Variants in ZNF536 observed in about 807,000 individuals in gnomAD.
The protein encoded by ZNF536 is zinc finger protein 536.
A neutral mutation model predicts 84.5 loss-of-function variants in ZNF536; 13 were observed. The observed-to-expected ratio is 0.15, with a 90% CI of 0.10 to 0.24. ZNF536 has a LOEUF of 0.24. Among genes scored for constraint, ZNF536 ranks in the 10% least tolerant of loss-of-function variants. The pLI is 1.00. For missense variants in ZNF536, 1,536 were observed against 1,747.5 expected (o/e 0.88, Z 2.16); for synonymous variants, 811 against 742.5 (o/e 1.09, Z -1.50).
intron 1 of ZNF536, among the ~76,000 whole-genome samples, chr19:30,434,468 G>A (rs377264281): frequency 6.3e-4 from 96 of 152,228 alleles, no homozygotes; most frequent in Non-Finnish European, 1.1e-3. Flanking sequence ...TCCGACTGTC[G>A]TTATCCAGCC....
intron 2 of ZNF536, among the ~76,000 whole-genome samples, chr19:30,332,565 T>C (rs2047248446): frequency 6.6e-6 from 1 of 152,152 alleles, no homozygotes; most frequent in African/African-American, 2.4e-5. Flanking sequence ...CAGAAAGCCG[T>C]TGTTCCACCT....
At chr19:30,243,698 G>A (rs1568521847) in intron 1 of ZNF536, among the ~76,000 whole-genome samples, 2 of 152,198 alleles carry the variant, frequency 1.3e-5, no homozygotes, top group Admixed American at 6.5e-5. Flanking sequence ...GCTGTATTAC[G>A]TCTGGCTCAT....
chr19:30,666,999 T>C (rs1440007305), intron 1 of ZNF536, among the ~76,000 whole-genome samples: 1 of 152,040 alleles, frequency 6.6e-6, no homozygotes, highest in Non-Finnish European at 1.5e-5. Context: ...AGGTGCTGAG[T>C]ATCGCCTGAC....
At chr19:30,491,398 C>A (rs1163587060) in intron 2 of ZNF536, among the ~76,000 whole-genome samples, 1 of 152,150 alleles carries the variant, frequency 6.6e-6, no homozygotes, top group Non-Finnish European at 1.5e-5. Flanking sequence ...GCCAATGACA[C>A]CACAGTGTGT....
chr19:30,345,915 C>T (rs1217605913), intron 2 of ZNF536, among the ~76,000 whole-genome samples: 1 of 152,188 alleles, frequency 6.6e-6, no homozygotes, highest in East Asian at 1.9e-4. Context: ...AGGCATCAGT[C>T]GGGAGGGCTG....
At chr19:30,252,700 C>T (rs1177475102) in intron 1 of ZNF536, among the ~76,000 whole-genome samples, 8 of 152,108 alleles carry the variant, frequency 5.3e-5, no homozygotes, top group African/African-American at 9.7e-5. Flanking sequence ...AATGGAGTGG[C>T]GAAGGTGCTG....
At chr19:30,703,631 G>A (rs371757561) in intron 1 of ZNF536, among the ~76,000 whole-genome samples, 3 of 152,314 alleles carry the variant, frequency 2.0e-5, no homozygotes, top group East Asian at 3.9e-4. Flanking sequence ...GCGGCAGGAA[G>A]CACAGGACAG....
chr19:30,404,518 AC>A (rs947298852), intron 1 of ZNF536, among the ~76,000 whole-genome samples: 11 of 152,184 alleles, frequency 7.2e-5, no homozygotes, highest in Admixed American at 3.3e-4. Flanking sequence ...AGTTTCCTCA[AC>A]CATAAAACGA....
chr19:30,677,199 C>G (rs545976573), intron 1 of ZNF536, among the ~76,000 whole-genome samples: 7 of 152,250 alleles, frequency 4.6e-5, no homozygotes, highest in Non-Finnish European at 1.0e-4. Flanking sequence ...TGTGCTGAAA[C>G]CAGACACCTG....
At position 30,644,792 on chromosome 19, in the gene ZNF536, A is replaced by G. The variant is rs144518758; in HGVS notation, c.170-65965A>G. Reference sequence around the variant, plus strand: ...TTGTTGGACATTTGGGTTGGTTCCAAGTCTTTCCTATTGTGAATAGTGCCT... The same window carrying G: ...TTGTTGGACATTTGGGTTGGTTCCAGGTCTTTCCTATTGTGAATAGTGCCT... On this transcript the variant is annotated intron_variant, in intron 1 of 1. Coordinates refer to the ZNF536 transcript ENST00000592773. Among the ~76,000 whole-genome samples the G allele has an allele frequency of 8.6e-3, 1,312 of 152,288 alleles. 13 individuals carry two copies. The highest frequency in any genetic ancestry group is 0.017 in the Middle Eastern group (5 of 294).
chr19:30,643,129 T>C (rs771837231), intron 1 of ZNF536, among the ~76,000 whole-genome samples: 1 of 152,238 alleles, frequency 6.6e-6, no homozygotes, highest in Non-Finnish European at 1.5e-5. Flanking sequence ...TCCCAAGTTA[T>C]TGGGGATCCT....
At chr19:30,638,057 C>G (rs1284830703) in intron 1 of ZNF536, among the ~76,000 whole-genome samples, 2 of 152,096 alleles carry the variant, frequency 1.3e-5, no homozygotes, top group African/African-American at 4.8e-5. Context: ...AAACTCTTTC[C>G]TGAATGTTCC....
rs563593250 is a variant in ZNF536 at position 30,671,651 on chromosome 19, C to T, written c.170-39106C>T. ...TCAGTGACCAGAGGTGAGGAGGAGG[C>T]GGGCAGTCTGCAGTGACATGGGGAT... On this transcript the variant is annotated intron_variant, in intron 1 of 1. Transcript: ENST00000592773. 5.9e-4 allele frequency among the ~76,000 whole-genome samples: 90 copies of T among 152,166 alleles called. 1 individual carries two copies. Among genetic ancestry groups the T allele is most frequent in the African/African-American group, 2.0e-3 (83 of 41,504 alleles).
At chr19:30,682,577 C>A (rs1336156298) in intron 1 of ZNF536, among the ~76,000 whole-genome samples, 2 of 152,170 alleles carry the variant, frequency 1.3e-5, no homozygotes, top group Admixed American at 1.3e-4. Flanking sequence ...GGAAAATCTG[C>A]CAAATGGGCA....
At chr19:30,366,137 T>A (rs1210360901) in intron 3 of ZNF536, among the ~76,000 whole-genome samples, 2 of 152,150 alleles carry the variant, frequency 1.3e-5, no homozygotes, top group African/African-American at 4.8e-5. Flanking sequence ...GTCTTCATGG[T>A]CCTTCCCTTT....
At chr19:30,510,559 C>T (rs2055366604) in intron 2 of ZNF536, among the ~76,000 whole-genome samples, 1 of 152,210 alleles carries the variant, frequency 6.6e-6, no homozygotes. Flanking sequence ...AATGAGTTGC[C>T]CGCAGAGGCA....
chr19:30,385,126 G>A (rs575790618), intron 1 of ZNF536, among the ~76,000 whole-genome samples: 2 of 152,046 alleles, frequency 1.3e-5, no homozygotes, highest in Non-Finnish European at 2.9e-5. Flanking sequence ...GATGTTTGAG[G>A]CCTTCCCTGC....
chr19:30,523,205 G>A (rs1223978531), intron 2 of ZNF536, among the ~76,000 whole-genome samples: 2 of 152,122 alleles, frequency 1.3e-5, no homozygotes, highest in East Asian at 3.9e-4. Context: ...GCTAGTCCTG[G>A]AGCTAAAACC....
intron 1 of ZNF536, among the ~76,000 whole-genome samples, chr19:30,693,707 C>T (rs983525535): frequency 1.3e-5 from 2 of 152,154 alleles, no homozygotes; most frequent in Non-Finnish European, 2.9e-5. Flanking sequence ...TTCCATCTTT[C>T]CTTTTTACTT....
Sources: allele counts gnomAD v4.1 joint callset (sites outside exome capture counted in the v4.1 genomes callset), GRCh38; gene constraint gnomAD v4.1.1; transcripts MANE v1.5; gene names NCBI Gene and HGNC (gene_info 2026-07-23, HGNC 2026-07-21).